Variants in PDLIM3 observed in about 807,000 individuals in gnomAD.
The protein encoded by PDLIM3 is PDZ and LIM domain protein 3.
PDLIM3 carries 36 observed loss-of-function variants against 37.3 expected under a neutral mutation model. That is an observed-to-expected ratio of 0.97 (90% CI 0.74 to 1.28). PDLIM3 has a LOEUF of 1.28. Ranked by LOEUF, PDLIM3 falls within the 50% of genes most tolerant of loss-of-function variation. PDLIM3 has a pLI of 0.00. For missense variants in PDLIM3, 454 were observed against 485.0 expected (o/e 0.94, Z 0.60); for synonymous variants, 174 against 182.4 (o/e 0.95, Z 0.37).
Position 185,504,496 on chromosome 4 carries a change from T to G in PDLIM3, c.884A>C (p.Asp295Ala). Residue 295 changes from aspartate (D) to alanine (A), a missense_variant, in exon 7 of 8, where the codon GAC (aspartate) becomes GCC (alanine). By Grantham distance (126) the Asp-to-Ala change is moderately radical (BLOSUM62 -2). Coordinates refer to ENST00000284767, the MANE Select transcript of PDLIM3 (RefSeq NM_014476.6). The surrounding 1 kb of genome is among the most constrained non-coding windows in gnomAD (Gnocchi z 4.7). ...SGGAQRMPLCDKCGSGIVGAV... is the reference protein window; with the variant it reads ...SGGAQRMPLCAKCGSGIVGAV... ...TTACACTATGCCACTCCCACATTTGTCACAGAGCGGCATCCTCTGTGCCCC... is the reference window on the plus strand; with the variant it reads ...TTACACTATGCCACTCCCACATTTGGCACAGAGCGGCATCCTCTGTGCCCC... 6.2e-7 allele frequency: 1 copy of G among 1,613,798 alleles called. No homozygotes were observed. The highest frequency in any genetic ancestry group is 8.5e-7 in the Non-Finnish European group (1 of 1,179,656).
chr4:185,506,372 AT>A, intron 6 of PDLIM3, 149 bp downstream of exon 6: 2 of 1,010,718 alleles, frequency 2.0e-6, no homozygotes, highest in Admixed American at 3.6e-5. Context: ...GGCACCATCC[AT>A]ATCCTATCCT....
At position 185,523,428 on chromosome 4, in the gene PDLIM3, C is replaced by A. The variant is rs770996211; in HGVS notation, c.264G>T (p.Trp88Cys). The change falls in exon 3 of 8, where the codon TGG (tryptophan) becomes TGT (cysteine). Residue 88 changes from tryptophan (W) to cysteine (C), a missense_variant. Physicochemically the swap from Trp to Cys is radical, Grantham distance 215. Transcript: ENST00000284767. ...TCCCATCTTCAGATACTTGTGGAGA[C>A]CATAAGTGAGTTTCTCCCCTGGAAA... ...LKIDRGETHL[W>C]SPQVSEDGKA... 6.2e-7 allele frequency: 1 copy of A among 1,607,022 alleles called. No individual in the cohort carries two copies. The highest frequency in any genetic ancestry group is 8.5e-7 in the Non-Finnish European group (1 of 1,174,004).
Position 185,502,012 on chromosome 4 carries a change from T to C in PDLIM3, c.*282A>G. ...ATGTGTTTGATGGCTGTAATATACA[T>C]GTAAATTGTGGAGTATGACATACAA... On this transcript the variant is annotated 3_prime_UTR_variant, in exon 8 of 8. Transcript: ENST00000284767. 3 of 466,924 alleles carry C rather than the reference T, an allele frequency of 6.4e-6. No homozygotes were observed. The highest frequency in any genetic ancestry group is 1.2e-5 in the Non-Finnish European group (3 of 253,716). The allele number at this position is 466,924 out of a possible 1,614,324, so 28.9% of individuals were successfully genotyped here.
At chr4:185,508,830 T>C (rs1435572749) in intron 4 of PDLIM3, among the ~76,000 whole-genome samples, 2 of 152,214 alleles carry the variant, frequency 1.3e-5, no homozygotes, top group Non-Finnish European at 2.9e-5. Context: ...CACTAGGCAA[T>C]GTGTAATTTG....
intron 1 of PDLIM3, among the ~76,000 whole-genome samples, chr4:185,533,999 T>G (rs1361287903): frequency 6.6e-6 from 1 of 152,214 alleles, no homozygotes; most frequent in Non-Finnish European, 1.5e-5. Flanking sequence ...GGTAAATCTA[T>G]AATAGGAATT....
chr4:185,535,341 C>G lies in PDLIM3; in HGVS notation c.93+1G>C. On this transcript the variant is annotated splice_donor_variant, in intron 1 of 7. Transcript: ENST00000284767. LOFTEE classifies it high-confidence loss of function. ...GCAAAAGCAAGAATGCCGACACCTACCCTGGTGATGACCAAAGGCTGGTTG... is the reference window on the plus strand; with the variant it reads ...GCAAAAGCAAGAATGCCGACACCTAGCCTGGTGATGACCAAAGGCTGGTTG... 6.2e-7 allele frequency: 1 copy of G among 1,606,754 alleles called. No individual in the cohort carries two copies.
At chr4:185,518,063 G>GA (rs1230215529) in intron 3 of PDLIM3, among the ~76,000 whole-genome samples, 1 of 152,076 alleles carries the variant, frequency 6.6e-6, no homozygotes, top group Non-Finnish European at 1.5e-5. Context: ...ATTCTATCTA[G>GA]AAAAAACCAC....
At chr4:185,507,347 A>G (rs1020371016) in intron 5 of PDLIM3, among the ~76,000 whole-genome samples, 6 of 152,182 alleles carry the variant, frequency 3.9e-5, no homozygotes, top group Admixed American at 1.3e-4. Flanking sequence ...CTTTCTACAA[A>G]TATATTCATA....
rs1323687007 is a variant in PDLIM3 at position 185,514,897 on chromosome 4, A to G, written c.331-560T>C. The stretch of plus-strand genomic sequence containing the variant: ...TACCAATGGGTTTGAATTCCTGTAC[A>G]ATGGCAGACAAAATACACAGCCACA... On this transcript the variant is annotated intron_variant, in intron 3 of 7. Coordinates refer to ENST00000284767, the MANE Select transcript of PDLIM3 (RefSeq NM_014476.6). This position sits in a 1 kb window ranked among gnomAD's most constrained non-coding sequence, Gnocchi z 4.0. 5.8e-6 allele frequency: 9 copies of G among 1,547,594 alleles called. No homozygotes were observed. Among genetic ancestry groups the G allele is most frequent in the East Asian group, 2.4e-5 (1 of 40,842 alleles).
At chr4:185,530,973 CACACACACACACACAT>C (rs1232509324) in intron 1 of PDLIM3, among the ~76,000 whole-genome samples, 1,321 of 19,722 alleles carry the variant, frequency 0.067, 12 homozygotes, top group African/African-American at 0.19. Flanking sequence ...TAGAAACACA[CACACACACACACACAT>C]ACACACACAC....
Position 185,531,261 on chromosome 4 carries a change from T to C in PDLIM3, c.93+4081A>G, listed in dbSNP as rs142584022. Among the ~76,000 whole-genome samples the C allele has an allele frequency of 4.1e-3, 619 of 149,544 alleles. 4 individuals carry two copies. Among genetic ancestry groups the C allele is most frequent in the Non-Finnish European group, 4.7e-3 (316 of 67,636 alleles). On this transcript the variant is annotated intron_variant, in intron 1 of 7. Transcript: ENST00000284767. The stretch of plus-strand genomic sequence containing the variant: ...GAAGAAGTGAACCTTCAAATTCTTC[T>C]GTGAAATGCTTAGGCCAGTTATACA...
intron 1 of PDLIM3, among the ~76,000 whole-genome samples, chr4:185,527,511 G>A (rs1033924019): frequency 5.3e-5 from 8 of 152,226 alleles, no homozygotes; most frequent in Admixed American, 6.5e-5. Context: ...TTCCCAGTAG[G>A]AACAGTTAAT....
In PDLIM3 at chr4:185,514,585, T is replaced by A. The variant is rs963914644; in HGVS notation, c.331-248A>T. The stretch of plus-strand genomic sequence containing the variant: ...TAGATGCTTGTCTTTAAAAGAGAAA[T>A]CTGATAGTGCCTTCAGGAAAGTAAA... On this transcript the variant is annotated intron_variant, in intron 3 of 7. Transcript: ENST00000284767. This position sits in a 1 kb window ranked among gnomAD's most constrained non-coding sequence, Gnocchi z 4.0. 7.0e-5 allele frequency: 88 copies of A among 1,263,766 alleles called. No homozygotes were observed. The Middle Eastern group carries it at 1.2e-3, about 17-fold the overall frequency. The allele number at this position is 1,263,766 out of a possible 1,614,324, so 78.3% of individuals were successfully genotyped here. A position where few individuals can be genotyped will look rare whatever the true frequency, so the allele number is the denominator to read the frequency against.
intron 1 of PDLIM3, among the ~76,000 whole-genome samples, chr4:185,534,296 GATT>G (rs1389036201): frequency 6.6e-6 from 1 of 152,122 alleles, no homozygotes; most frequent in Non-Finnish European, 1.5e-5. Context: ...AGATCAATCA[GATT>G]ATAACACATA....
At chr4:185,532,053 G>A (rs573096720) in intron 1 of PDLIM3, among the ~76,000 whole-genome samples, 2 of 152,034 alleles carry the variant, frequency 1.3e-5, no homozygotes, top group African/African-American at 2.4e-5. Flanking sequence ...AGGCGAGATC[G>A]CGCCACTGCA....
In PDLIM3 at chr4:185,512,952, C is replaced by T. The variant is rs192889319; in HGVS notation, c.398+1318G>A. 456 of 985,410 alleles carry T rather than the reference C, an allele frequency of 4.6e-4. 3 individuals carry two copies. In the African/African-American group the frequency reaches 7.6e-3, roughly 16 times the overall value. The allele number at this position is 985,410 out of a possible 1,614,324, so 61.0% of individuals were successfully genotyped here. A position where few individuals can be genotyped will look rare whatever the true frequency, so the allele number is the denominator to read the frequency against. ...GGAGAGGACACAGAGCTGCCAGCAT[C>T]GGGAGCGAGACGGCTCTGGACTCTT... On this transcript the variant is annotated intron_variant, in intron 4 of 7. Coordinates refer to ENST00000284767, the MANE Select transcript of PDLIM3 (RefSeq NM_014476.6).
At position 185,502,447 on chromosome 4, in the gene PDLIM3, G is replaced by A. The variant is rs2095688652; in HGVS notation, c.942C>T (p.His314=). The A allele has an allele frequency of 4.3e-6, 7 of 1,614,210 alleles. No homozygotes were observed. The highest frequency in any genetic ancestry group is 5.9e-6 in the Non-Finnish European group (7 of 1,180,042). ...AVVKARDKYR[H]PECFVCADCN... is the part of the protein sequence containing the mutation. Reference sequence around the variant, plus strand: ...AGTCGGCACACACGAAGCACTCAGGGTGCCGGTACTTATCCCGCGCCTTCA... The same window carrying A: ...AGTCGGCACACACGAAGCACTCAGGATGCCGGTACTTATCCCGCGCCTTCA... Residue 314 remains histidine, a synonymous_variant, in exon 8 of 8, where the codon CAC becomes CAT. Coordinates refer to ENST00000284767, the MANE Select transcript of PDLIM3 (RefSeq NM_014476.6).
rs1217106803 is a variant in PDLIM3 at position 185,506,547 on chromosome 4, G to A, written c.768C>T (p.Leu256=). The A allele has an allele frequency of 1.2e-6, 2 of 1,613,680 alleles. No homozygotes were observed. Among genetic ancestry groups the A allele is most frequent in the East Asian group, 4.5e-5 (2 of 44,874 alleles). ...CAGAGCCATCGTCCACCATTCCCTG[G>A]AGCACTCTGAAGGAGCCCGACTGGC... is the stretch of plus-strand genomic sequence containing the variant. ...QPRQSGSFRV[L]QGMVDDGSDD... is the part of the protein sequence containing the mutation. Residue 256 remains leucine, a synonymous_variant, in exon 6 of 8, where the codon CTC becomes CTT. Transcript: ENST00000284767.
In PDLIM3 at chr4:185,504,106, A is replaced by G. The variant is rs900165866; in HGVS notation, c.905+369T>C. 4.6e-5 allele frequency among the ~76,000 whole-genome samples: 7 copies of G among 152,210 alleles called. No homozygotes were observed. The highest frequency in any genetic ancestry group is 1.0e-4 in the Non-Finnish European group (7 of 68,038). ...GTTTATACAGAGGAGGATACTATGT[A>G]TACTAAATGTATACACAGTTCATGT... On this transcript the variant is annotated intron_variant, in intron 7 of 7. Transcript: ENST00000284767. This position sits in a 1 kb window ranked among gnomAD's most constrained non-coding sequence, Gnocchi z 4.7.
Sources: gnomAD v4.1 joint callset for allele counts (sites outside exome capture counted in the v4.1 genomes callset) on GRCh38, gnomAD v4.1.1 for gene constraint, Gnocchi (gnomAD v3.1) non-coding constraint, MANE v1.5 for transcripts, NCBI Gene and HGNC (gene_info 2026-07-23, HGNC 2026-07-21) for gene names.